Variants in AKAP6 observed in about 807,000 individuals in gnomAD.
AKAP6 encodes A-kinase anchoring protein 6, also known as A-kinase anchor protein 6.
AKAP6 carries 58 observed loss-of-function variants against 188.5 expected under a neutral mutation model. The ratio of observed to expected loss-of-function variants is 0.31; its 90% CI spans 0.25 to 0.38. The LOEUF (loss-of-function observed/expected upper bound fraction) is 0.38. AKAP6 is among the 10% of genes least tolerant of loss of function. The pLI, the probability that AKAP6 is intolerant of heterozygous loss-of-function variation, is 1.00. For missense variants in AKAP6, 2,710 were observed against 2,740.0 expected, an observed-to-expected ratio of 0.99 and a Z score of 0.24; for synonymous variants, 989 against 998.6, an observed-to-expected ratio of 0.99 and a Z score of 0.18.
chr14:32,629,288 T>G (rs1018794673), intron 7 of AKAP6, among the ~76,000 whole-genome samples: 2 of 152,016 alleles, frequency 1.3e-5, no homozygotes, highest in Non-Finnish European at 1.5e-5. Flanking sequence ...GGAAAAGAAC[T>G]TAAGCTATTT....
intron 7 of AKAP6, among the ~76,000 whole-genome samples, chr14:32,663,447 G>A (rs1176605733): frequency 6.6e-6 from 1 of 152,020 alleles, no homozygotes; most frequent in African/African-American, 2.4e-5. Flanking sequence ...CTCTTGGGGA[G>A]CCTAAAATCT....
intron 1 of AKAP6, among the ~76,000 whole-genome samples, chr14:32,374,577 A>G (rs909163461): frequency 1.2e-4 from 18 of 152,166 alleles, no homozygotes; most frequent in African/African-American, 4.1e-4. Flanking sequence ...TGAAGGGCCT[A>G]CTTAAGGTAT....
chr14:32,352,071 C>CTGTGTG (rs147604276), intron 1 of AKAP6, among the ~76,000 whole-genome samples: 14 of 134,084 alleles, frequency 1.0e-4, no homozygotes, highest in Non-Finnish European at 1.6e-4. Flanking sequence ...TTGGGAGACC[C>CTGTGTG]TGTGTGTGTG....
chr14:32,379,491 T>C (rs1021866161), intron 1 of AKAP6, among the ~76,000 whole-genome samples: 2 of 152,124 alleles, frequency 1.3e-5, no homozygotes, highest in African/African-American at 4.8e-5. Flanking sequence ...GTTTCTTCTC[T>C]CATTTCCTTT....
chr14:32,777,739 A>G (rs2033111072), intron 12 of AKAP6, among the ~76,000 whole-genome samples: 1 of 152,178 alleles, frequency 6.6e-6, no homozygotes, highest in African/African-American at 2.4e-5. Flanking sequence ...AGAATCCCAT[A>G]ATAAAAGGAA....
intron 5 of AKAP6, among the ~76,000 whole-genome samples, chr14:32,580,611 G>C (rs1187210403): frequency 6.6e-6 from 1 of 152,068 alleles, no homozygotes; most frequent in African/African-American, 2.4e-5. Context: ...GTGCAGGTTA[G>C]TTACCTATGT....
chr14:32,819,963 T>C (rs72669864), intron 12 of AKAP6, among the ~76,000 whole-genome samples: 8,451 of 151,950 alleles, frequency 0.056, 337 homozygotes, highest in South Asian at 0.15. Context: ...GAAATACATA[T>C]ATATATATAT....
At chr14:32,409,150 A>C (rs890127162) in intron 1 of AKAP6, among the ~76,000 whole-genome samples, 1 of 152,158 alleles carries the variant, frequency 6.6e-6, no homozygotes, top group Non-Finnish European at 1.5e-5. Context: ...CAGTGAGCCA[A>C]GATTGCACCA....
intron 2 of AKAP6, among the ~76,000 whole-genome samples, chr14:32,509,953 G>A (rs1881092434): frequency 6.6e-6 from 1 of 152,054 alleles, no homozygotes. Flanking sequence ...CATTCCATAA[G>A]CCCTAGCTGC....
intron 2 of AKAP6, among the ~76,000 whole-genome samples, chr14:32,506,721 C>T (rs944209205): frequency 2.0e-5 from 3 of 150,396 alleles, no homozygotes; most frequent in African/African-American, 4.9e-5. Context: ...TTACCAGAGA[C>T]GGGGTTTCAC....
At chr14:32,779,952 T>A (rs1402411546) in intron 12 of AKAP6, among the ~76,000 whole-genome samples, 4 of 152,002 alleles carry the variant, frequency 2.6e-5, no homozygotes, top group African/African-American at 9.7e-5. Flanking sequence ...GGAAGCAGTA[T>A]GGAGGTTCCT....
At chr14:32,351,602 C>G (rs916020684) in intron 1 of AKAP6, among the ~76,000 whole-genome samples, 25 of 151,042 alleles carry the variant, frequency 1.7e-4, no homozygotes, top group Non-Finnish European at 3.2e-4. Flanking sequence ...CTGCTGTGCT[C>G]TAAACATTTG....
At chr14:32,424,973 T>A (rs767886904) in intron 1 of AKAP6, among the ~76,000 whole-genome samples, 2 of 152,216 alleles carry the variant, frequency 1.3e-5, no homozygotes, top group Non-Finnish European at 2.9e-5. Flanking sequence ...TATGCATGTA[T>A]GTGTCTTTAT....
At chr14:32,807,618 T>C (rs1323081938) in intron 12 of AKAP6, among the ~76,000 whole-genome samples, 1 of 152,246 alleles carries the variant, frequency 6.6e-6, no homozygotes, top group Non-Finnish European at 1.5e-5. Context: ...TTAAATTGCC[T>C]TTTTAATAAT....
At chr14:32,482,236 G>A (rs530179223) in intron 2 of AKAP6, among the ~76,000 whole-genome samples, 2 of 152,160 alleles carry the variant, frequency 1.3e-5, no homozygotes, top group Non-Finnish European at 1.5e-5. Flanking sequence ...AAAGCCTGAA[G>A]TTCTTGCAAT....
chr14:32,720,898 CA>C (rs1254186588), intron 9 of AKAP6, among the ~76,000 whole-genome samples: 1 of 152,078 alleles, frequency 6.6e-6, no homozygotes, highest in Non-Finnish European at 1.5e-5. Context: ...CCAAATTCAA[CA>C]GAAATAGCTG....
intron 2 of AKAP6, among the ~76,000 whole-genome samples, chr14:32,453,105 A>G (rs1890992752): frequency 6.6e-6 from 1 of 152,216 alleles, no homozygotes; most frequent in Non-Finnish European, 1.5e-5. Flanking sequence ...ATAATTTATT[A>G]TTGTAGACAT....
rs371762812 is a variant in AKAP6 at position 32,823,037 on chromosome 14, T to C, written c.5224T>C (p.Cys1742Arg). Residue 1742 changes from cysteine (C) to arginine (R), a missense_variant, in exon 13 of 14, where the codon TGC becomes CGC. Cys to Arg is a radical substitution (Grantham distance 180). Transcript: ENST00000280979. ...VNVSMIVNVS[C>R]TSACTDDEDD... ...TGTCAGCATGATTGTTAATGTCTCT[T>C]GCACCTCTGCTTGCACTGATGATGA... 17 of 1,613,738 alleles carry C rather than the reference T, an allele frequency of 1.1e-5. No individual in the cohort carries two copies. Among genetic ancestry groups the C allele is most frequent in the Non-Finnish European group, 1.4e-5 (16 of 1,179,890 alleles).
chr14:32,706,365 A>G (rs912996494), intron 9 of AKAP6, among the ~76,000 whole-genome samples: 10 of 152,120 alleles, frequency 6.6e-5, no homozygotes, highest in South Asian at 2.1e-4. Flanking sequence ...AAGCACCTCA[A>G]TACCCTGGGC....
Sources: allele counts gnomAD v4.1 joint callset (sites outside exome capture counted in the v4.1 genomes callset), GRCh38; gene constraint gnomAD v4.1.1; transcripts MANE v1.5; gene names NCBI Gene and HGNC (gene_info 2026-07-23, HGNC 2026-07-21).